FAM227B: variants seen among roughly 807,000 people sequenced by gnomAD.
FAM227B encodes the protein protein FAM227B.
A neutral mutation model predicts 73.8 loss-of-function variants in FAM227B; 88 were observed. The observed-to-expected ratio is 1.19, with a 90% confidence interval of 1.00 to 1.42. The LOEUF (loss-of-function observed/expected upper bound fraction) is 1.42. Among genes scored for constraint, FAM227B ranks in the 40% most tolerant of loss-of-function variants. FAM227B has a pLI of 0.00. For missense variants in FAM227B, 632 were observed against 590.9 expected (o/e 1.07, Z -0.72); for synonymous variants, 210 against 190.5 (o/e 1.10, Z -0.84).
At chr15:49,338,490 G>A (rs553622533) in intron 13 of FAM227B, among the ~76,000 whole-genome samples, 1 of 152,346 alleles carries the variant, frequency 6.6e-6, no homozygotes, top group East Asian at 1.9e-4. Flanking sequence ...TCTGCAGAGA[G>A]ATCCGCTGTT....
chr15:49,451,435 G>C (rs955340099), intron 11 of FAM227B, among the ~76,000 whole-genome samples: 1 of 151,970 alleles, frequency 6.6e-6, no homozygotes, highest in African/African-American at 2.4e-5. Flanking sequence ...TCTATGCATT[G>C]CTGACAGACA....
intron 11 of FAM227B, among the ~76,000 whole-genome samples, chr15:49,391,948 C>T (rs997589182): frequency 6.6e-6 from 1 of 152,036 alleles, no homozygotes; most frequent in African/African-American, 2.4e-5. Flanking sequence ...TTACTGCAAA[C>T]GTTGGTGTGG....
chr15:49,527,829 A>C (rs1298731066), intron 10 of FAM227B, among the ~76,000 whole-genome samples: 4 of 152,032 alleles, frequency 2.6e-5, no homozygotes, highest in African/African-American at 9.6e-5. Context: ...AGAGAACTAC[A>C]TAACACTGAT....
intron 13 of FAM227B, among the ~76,000 whole-genome samples, chr15:49,354,562 G>C (rs8034956): frequency 0.42 from 63,869 of 152,122 alleles, 13,562 homozygotes; most frequent in African/African-American, 0.45. Context: ...GGCGCACCAC[G>C]AGATTATATC....
At chr15:49,593,051 AT>A (rs1442226379) in intron 3 of FAM227B, among the ~76,000 whole-genome samples, 6 of 152,260 alleles carry the variant, frequency 3.9e-5, no homozygotes, top group Admixed American at 3.9e-4. Flanking sequence ...AAGGCACAGT[AT>A]TTGGGCAGAA....
chr15:49,605,106 T>G (rs1401699856), intron 3 of FAM227B, among the ~76,000 whole-genome samples: 2 of 152,202 alleles, frequency 1.3e-5, no homozygotes, highest in Non-Finnish European at 2.9e-5. Flanking sequence ...CTGCCTTGTT[T>G]TGATGTCTGC....
chr15:49,493,108 T>C (rs2057265842), intron 11 of FAM227B, among the ~76,000 whole-genome samples: 1 of 151,976 alleles, frequency 6.6e-6, no homozygotes, highest in South Asian at 2.1e-4. Flanking sequence ...TCTCATCTCT[T>C]CCTCACTACT....
intron 3 of FAM227B, among the ~76,000 whole-genome samples, chr15:49,610,769 T>TA (rs924073572): frequency 7.2e-5 from 11 of 152,282 alleles, no homozygotes; most frequent in Admixed American, 5.9e-4. Flanking sequence ...TAATTTTGCA[T>TA]AACAATGGAA....
At chr15:49,371,439 T>G (rs2045798769) in intron 11 of FAM227B, 40 bp from the exon 12 acceptor site, 1 of 1,296,170 alleles carries the variant, frequency 7.7e-7, no homozygotes, top group Non-Finnish European at 1.1e-6. Context: ...ATTCTGGTAT[T>G]TTTTTCCTTC....
intron 11 of FAM227B, among the ~76,000 whole-genome samples, chr15:49,392,414 T>C (rs1400650189): frequency 1.3e-5 from 2 of 152,196 alleles, no homozygotes; most frequent in Non-Finnish European, 2.9e-5. Flanking sequence ...GCGATGAGGA[T>C]GCAAAAGAGA....
intron 11 of FAM227B, among the ~76,000 whole-genome samples, chr15:49,393,812 A>T (rs1347916363): frequency 6.6e-6 from 1 of 152,116 alleles, no homozygotes. Context: ...TGCAAGAAAC[A>T]AACAGAATTT....
intron 3 of FAM227B, among the ~76,000 whole-genome samples, chr15:49,598,010 C>CCCTTT (rs2076980591): frequency 6.6e-6 from 1 of 151,640 alleles, no homozygotes; most frequent in Admixed American, 6.6e-5. Context: ...AAGTCCAGGA[C>CCCTTT]AAGGTGGATT....
At chr15:49,394,015 A>G (rs2047396432) in intron 11 of FAM227B, among the ~76,000 whole-genome samples, 1 of 152,190 alleles carries the variant, frequency 6.6e-6, no homozygotes, top group African/African-American at 2.4e-5. Context: ...TCTTTTTAAA[A>G]TGCATCCCTT....
intron 10 of FAM227B, among the ~76,000 whole-genome samples, chr15:49,532,147 G>A (rs1488846666): frequency 1.3e-5 from 2 of 150,968 alleles, no homozygotes; most frequent in Non-Finnish European, 3.0e-5. Flanking sequence ...GAAGCTGGTT[G>A]GGGTTTTTGA....
chr15:49,497,645 CTTTCTTAAGTAGA>C (rs1351441096), intron 11 of FAM227B, among the ~76,000 whole-genome samples: 1 of 152,210 alleles, frequency 6.6e-6, no homozygotes, highest in African/African-American at 2.4e-5. Flanking sequence ...GAACAAACTT[CTTTCTTAAGTAGA>C]TTTCCTAGTA....
At chr15:49,420,430 G>A (rs1006429953) in intron 11 of FAM227B, among the ~76,000 whole-genome samples, 4 of 151,880 alleles carry the variant, frequency 2.6e-5, no homozygotes, top group Non-Finnish European at 4.4e-5. Flanking sequence ...TGCATATGAC[G>A]TGCTACCTTT....
At chr15:49,514,198 T>C (rs745670003) in intron 10 of FAM227B, among the ~76,000 whole-genome samples, 3 of 152,206 alleles carry the variant, frequency 2.0e-5, no homozygotes, top group African/African-American at 4.8e-5. Flanking sequence ...AGTATGGCCA[T>C]TTTCACGATA....
At chr15:49,594,043 A>G (rs2076746217) in intron 3 of FAM227B, among the ~76,000 whole-genome samples, 2 of 152,190 alleles carry the variant, frequency 1.3e-5, no homozygotes, top group Admixed American at 1.3e-4. Flanking sequence ...TTACATTCAC[A>G]CCAACAGAGT....
chr15:49,343,485 G>A (rs1163884708), intron 13 of FAM227B: 1 of 152,110 alleles, frequency 6.6e-6, no homozygotes, highest in Non-Finnish European at 1.5e-5. Context: ...AGGCTGTTGA[G>A]CAAGATGGAA....
Sources: gnomAD v4.1 joint callset for allele counts (sites outside exome capture counted in the v4.1 genomes callset) on GRCh38, gnomAD v4.1.1 for gene constraint, MANE v1.5 for transcripts, NCBI Gene and HGNC (gene_info 2026-07-23, HGNC 2026-07-21) for gene names.